BICC1: variants seen among roughly 807,000 people sequenced by gnomAD.
The protein encoded by BICC1 is BicC family RNA binding protein 1, also known as protein bicaudal C homolog 1.
In BICC1, 43 loss-of-function variants were observed where a neutral mutation model predicts 111.0. The ratio of observed to expected loss-of-function variants is 0.39; its 90% CI spans 0.30 to 0.50. BICC1 has a LOEUF of 0.50. Ranked by LOEUF, BICC1 falls within the 20% of genes least tolerant of loss-of-function variation. BICC1 has a pLI of 0.88. For missense variants in BICC1, 1,091 were observed against 1,203.2 expected (o/e 0.91, Z 1.38); for synonymous variants, 467 against 434.4 (o/e 1.07, Z -0.93).
chr10:58,528,379 G>A (rs1398023207), intron 1 of BICC1, among the ~76,000 whole-genome samples: 2 of 151,882 alleles, frequency 1.3e-5, no homozygotes, highest in Admixed American at 6.6e-5. Context: ...CGAGGTTAAT[G>A]TTAATTATAT....
chr10:58,568,885 C>T (rs1843855197), intron 1 of BICC1, among the ~76,000 whole-genome samples: 1 of 152,196 alleles, frequency 6.6e-6, no homozygotes, highest in Admixed American at 6.5e-5. Flanking sequence ...GGCCTCAAAG[C>T]CAACTGGCCT....
At chr10:58,725,084 T>C (rs1007845160) in intron 3 of BICC1, among the ~76,000 whole-genome samples, 8 of 152,180 alleles carry the variant, frequency 5.3e-5, no homozygotes, top group Non-Finnish European at 1.2e-4. Flanking sequence ...TGGGAGACTT[T>C]TATCTAGACA....
chr10:58,798,529 A>G lies in BICC1; in HGVS notation c.1497A>G (p.Ala499=), dbSNP rs944685439. ...GTACACCCAGCCCCACATTATGGGC[A>G]CCCCCACTTGCTAATACTTCAAGTG... ...SSGTPSPTLW[A]PPLANTSSAT... is the part of the protein sequence containing the mutation. The change falls in exon 11 of 21, where the codon GCA becomes GCG. Residue 499 remains alanine (A), a synonymous_variant. Transcript: ENST00000373886. The G allele has an allele frequency of 6.2e-7, 1 of 1,611,080 alleles. No homozygotes were observed. The highest frequency in any genetic ancestry group is 8.5e-7 in the Non-Finnish European group (1 of 1,178,866).
chr10:58,590,440 C>T (rs1844575791), intron 1 of BICC1, among the ~76,000 whole-genome samples: 1 of 152,166 alleles, frequency 6.6e-6, no homozygotes. Flanking sequence ...AAACAAATCT[C>T]TCCCCATTTT....
At chr10:58,656,124 A>G (rs977387386) in intron 2 of BICC1, among the ~76,000 whole-genome samples, 4 of 152,172 alleles carry the variant, frequency 2.6e-5, no homozygotes, top group African/African-American at 9.7e-5. Flanking sequence ...TCCTTGACAC[A>G]TACACTCTCC....
chr10:58,537,559 C>A (rs1842856244), intron 1 of BICC1, among the ~76,000 whole-genome samples: 1 of 151,696 alleles, frequency 6.6e-6, no homozygotes, highest in Non-Finnish European at 1.5e-5. Flanking sequence ...AAAGAATTCC[C>A]CCTAAGAATG....
chr10:58,609,855 T>C (rs1017990047), intron 1 of BICC1, among the ~76,000 whole-genome samples: 2 of 152,194 alleles, frequency 1.3e-5, no homozygotes, highest in Non-Finnish European at 2.9e-5. Context: ...GTTAGGGTTG[T>C]TTTTCTAAAA....
chr10:58,596,218 T>C (rs915659920), intron 1 of BICC1, among the ~76,000 whole-genome samples: 3 of 152,082 alleles, frequency 2.0e-5, no homozygotes, highest in Non-Finnish European at 2.9e-5. Context: ...GTTTGAGGGA[T>C]CAAGTTGGCT....
chr10:58,546,760 A>T (rs1396774289), intron 1 of BICC1, among the ~76,000 whole-genome samples: 1 of 152,232 alleles, frequency 6.6e-6, no homozygotes, highest in Non-Finnish European at 1.5e-5. Flanking sequence ...TCCTGTTACC[A>T]GTACTTTCAA....
intron 20 of BICC1, among the ~76,000 whole-genome samples, chr10:58,825,895 A>G (rs1306547552): frequency 1.3e-5 from 2 of 152,206 alleles, no homozygotes; most frequent in East Asian, 3.8e-4. Flanking sequence ...ATCATGGGAA[A>G]AAGTTGAATT....
intron 2 of BICC1, among the ~76,000 whole-genome samples, chr10:58,696,802 A>G (rs1840077033): frequency 6.6e-6 from 1 of 152,214 alleles, no homozygotes; most frequent in Non-Finnish European, 1.5e-5. Flanking sequence ...TTTAATGTTC[A>G]TAGACAATGA....
At chr10:58,766,677 G>A (rs2132704153) in intron 3 of BICC1, among the ~76,000 whole-genome samples, 1 of 152,060 alleles carries the variant, frequency 6.6e-6, no homozygotes, top group African/African-American at 2.4e-5. Context: ...GCTCACTGCT[G>A]GAGCAAAAAA....
chr10:58,654,856 TG>T (rs1270058691), intron 2 of BICC1, among the ~76,000 whole-genome samples: 1 of 124,218 alleles, frequency 8.1e-6, no homozygotes, highest in Non-Finnish European at 1.7e-5. Context: ...AATTGATTTT[TG>T]TATAAGGTGT....
chr10:58,800,288 G>A lies in BICC1; in HGVS notation c.1820G>A (p.Gly607Glu), dbSNP rs754161038. Residue 607 changes from glycine (G) to glutamate (E), a missense_variant, in exon 13 of 21, where the codon GGG becomes GAG. By Grantham distance (98) the Gly-to-Glu change is moderately conservative. Transcript: ENST00000373886. ...GGGGATCCGTCCATCCAGACAAGTG[G>A]GTCTGAGCAGACATCTCCCAAATCA... ...NHGDPSIQTS[G>E]SEQTSPKSSP... The A allele has an allele frequency of 1.2e-6, 2 of 1,613,534 alleles. No individual in the cohort carries two copies. The highest frequency in any genetic ancestry group is 1.7e-6 in the Non-Finnish European group (2 of 1,179,818).
intron 18 of BICC1, among the ~76,000 whole-genome samples, chr10:58,815,214 T>TA (rs1162666511): frequency 2.0e-5 from 3 of 152,226 alleles, no homozygotes; most frequent in African/African-American, 4.8e-5. Flanking sequence ...AGTCAGTTGT[T>TA]ACGTTACTAT....
At chr10:58,665,550 C>T (rs1279532254) in intron 2 of BICC1, among the ~76,000 whole-genome samples, 2 of 152,216 alleles carry the variant, frequency 1.3e-5, no homozygotes, top group East Asian at 3.9e-4. Context: ...TGAATTCTAT[C>T]GCCAATAGTG....
intron 1 of BICC1, among the ~76,000 whole-genome samples, chr10:58,604,120 A>G (rs1217345345): frequency 6.6e-6 from 1 of 152,072 alleles, no homozygotes; most frequent in Non-Finnish European, 1.5e-5. Flanking sequence ...GAAGACTTCA[A>G]AGCAATAGAG....
intron 1 of BICC1, among the ~76,000 whole-genome samples, chr10:58,540,740 G>A (rs1274350738): frequency 2.0e-5 from 3 of 151,936 alleles, no homozygotes; most frequent in African/African-American, 4.8e-5. Context: ...AGGAGGAAAC[G>A]CTTGCAAACT....
At chr10:58,715,610 A>G in intron 3 of BICC1, 1 of 1,605,456 alleles carries the variant, frequency 6.2e-7, no homozygotes. Flanking sequence ...TGGCGAGATC[A>G]AGGGGTCCAA....
Sources: allele counts gnomAD v4.1 joint callset (sites outside exome capture counted in the v4.1 genomes callset), GRCh38; gene constraint gnomAD v4.1.1; transcripts MANE v1.5; gene names NCBI Gene and HGNC (gene_info 2026-07-23, HGNC 2026-07-21).